GNAS: variants seen among roughly 807,000 people sequenced by gnomAD.
GNAS encodes the protein GNAS complex locus, also known as protein ALEX.
In GNAS, 8 loss-of-function variants were observed where a neutral mutation model predicts 54.5. The observed-to-expected ratio is 0.15, with a 90% CI of 0.09 to 0.26. GNAS has a LOEUF of 0.26. Among genes scored for constraint, GNAS ranks in the 10% least tolerant of loss-of-function variants. The probability of loss-of-function intolerance (pLI) is 1.00; values close to 1 mark genes in which losing one functional copy is unlikely to be tolerated. For synonymous variants in GNAS, 204 were observed against 191.4 expected (o/e 1.07, Z -0.54); for missense variants, 170 against 529.8 (o/e 0.32, Z 6.67).
At chr20:58,885,469 TAATA>T (rs1412134945) in intron 1 of GNAS, among the ~76,000 whole-genome samples, 1 of 152,262 alleles carries the variant, frequency 6.6e-6, no homozygotes, top group Non-Finnish European at 1.5e-5. Context: ...AGTTGATGGA[TAATA>T]AATAGGAAAA....
In GNAS at chr20:58,873,016, C is replaced by T. The variant is rs886853629; in HGVS notation, c.44-22596C>T. 1.3e-5 allele frequency among the ~76,000 whole-genome samples: 2 copies of T among 152,238 alleles called. No individual in the cohort carries two copies. Among genetic ancestry groups the T allele is most frequent in the African/African-American group, 2.4e-5 (1 of 41,462 alleles). The stretch of plus-strand genomic sequence containing the variant: ...GCTGACCTGCCTCTCAGTTCATTCT[C>T]AAGGCGTTAGCCTCATCCCATCAGG... On this transcript the variant is annotated intron_variant, in intron 1 of 12. Transcript: ENST00000306090. The surrounding 1 kb of genome is among the most constrained non-coding windows in gnomAD (Gnocchi z 4.3).
chr20:58,842,038 G>C lies in GNAS; in HGVS notation c.43+1152G>C, dbSNP rs546295853. ...GTCGTCGAAAAGGAGGCAGGGGCCGGCGGCTCCGGCAGCCTTGGGGAGGGG... is the reference window on the plus strand; with the variant it reads ...GTCGTCGAAAAGGAGGCAGGGGCCGCCGGCTCCGGCAGCCTTGGGGAGGGG... On this transcript the variant is annotated intron_variant, in intron 1 of 12. Coordinates refer to the GNAS transcript ENST00000306090. 21 of 605,136 alleles carry C rather than the reference G, an allele frequency of 3.5e-5. No individual in the cohort carries two copies. In the African/African-American group the frequency reaches 4.0e-4, roughly 11 times the overall value. 37.5% of individuals were successfully genotyped at this position (605,136 alleles called of 1,614,324 possible).
Position 58,847,701 on chromosome 20 carries a change from C to T in GNAS, c.43+6815C>T, listed in dbSNP as rs570212241. Reference sequence around the variant, plus strand: ...AAGCCGCAGACCAAAAGGAAAATGACTACCAAAAAAATACTGTTTTTCGTG... The same window carrying T: ...AAGCCGCAGACCAAAAGGAAAATGATTACCAAAAAAATACTGTTTTTCGTG... On this transcript the variant is annotated intron_variant, in intron 1 of 12. Coordinates refer to the GNAS transcript ENST00000306090. Among the ~76,000 whole-genome samples, 5 of 152,346 alleles carry T rather than the reference C, an allele frequency of 3.3e-5. No homozygotes were observed. In the East Asian group the frequency reaches 5.8e-4, roughly 18 times the overall value.
rs773395697 is a variant in GNAS at position 58,871,507 on chromosome 20, G to C, written c.44-24105G>C. Among the ~76,000 whole-genome samples the C allele has an allele frequency of 2.0e-5, 3 of 151,484 alleles. No individual in the cohort carries two copies. In the East Asian group the frequency reaches 5.8e-4, roughly 29 times the overall value. ...CGCATGCCTGTAATTCTAGCTACTC[G>C]GGAGGCTGAGACAGGAGAATCGCTT... On this transcript the variant is annotated intron_variant, in intron 1 of 12. Coordinates refer to the GNAS transcript ENST00000306090.
rs199737710 is a variant in GNAS, at chr20:58,883,188, G to GT, written c.44-12423dup. 2.7e-3 allele frequency among the ~76,000 whole-genome samples: 411 copies of GT among 152,326 alleles called. 3 individuals are homozygous for GT. Among genetic ancestry groups the GT allele is most frequent in the East Asian group, 0.024 (125 of 5,194 alleles). On this transcript the variant is annotated intron_variant, in intron 1 of 12. Coordinates refer to the GNAS transcript ENST00000306090. ...TGGCCATCTGCAATTAATCTGCATA[G>GT]TACAAATCATTGGAAGGCCGAGTCT...
At chr20:58,890,997 G>A (rs1443196694), upstream of GNAS, among the ~76,000 whole-genome samples, 2 of 151,288 alleles carry the variant, frequency 1.3e-5, no homozygotes, top group East Asian at 2.0e-4. Context: ...CCGCGGGAGG[G>A]GGAGGAGGCC....
At chr20:58,889,309 C>G, upstream of GNAS, 1 of 989,842 alleles carries the variant, frequency 1.0e-6, no homozygotes, top group Non-Finnish European at 1.2e-6. Flanking sequence ...CGGCGGCGGG[C>G]GGCCGGCAGG....
chr20:58,850,439 G>C (rs1047632511), intron 1 of GNAS: 3 of 397,556 alleles, frequency 7.5e-6, no homozygotes, highest in Admixed American at 4.4e-5. Flanking sequence ...ATGGTACTTT[G>C]GGGGTGAGCG....
At chr20:58,891,996 T>C (rs2089432145) in intron 1 of GNAS, 131 bp downstream of exon 1, 4 of 744,814 alleles carry the variant, frequency 5.4e-6, no homozygotes, top group Non-Finnish European at 6.5e-6. Context: ...GCGGGCTCTG[T>C]CTGTGGGGGG....
chr20:58,862,847 C>T (rs960878936), intron 1 of GNAS, among the ~76,000 whole-genome samples: 3 of 151,764 alleles, frequency 2.0e-5, no homozygotes, highest in Non-Finnish European at 4.4e-5. Flanking sequence ...TCACCTGTCA[C>T]CCCTGCCTAT....
Position 58,911,061 on chromosome 20 carries a change from C to T in GNAS, c.*232C>T, listed in dbSNP as rs15054. 2.3e-4 allele frequency: 155 copies of T among 664,358 alleles called. 1 individual carries two copies. Among genetic ancestry groups the T allele is most frequent in the South Asian group, 2.3e-3 (152 of 65,426 alleles). 41.2% of individuals were successfully genotyped at this position (664,358 alleles called of 1,614,324 possible). A position where few individuals can be genotyped will look rare whatever the true frequency, so the allele number is the denominator to read the frequency against. ...GGAAAAAAGGCCACAAAAGTTCCCT[C>T]TCACTTTCAGTAAAAATAAATAAAA... On this transcript the variant is annotated 3_prime_UTR_variant, in exon 13 of 13. Transcript: ENST00000371085.
At chr20:58,883,331 C>G (rs1254456453) in intron 1 of GNAS, among the ~76,000 whole-genome samples, 1 of 152,036 alleles carries the variant, frequency 6.6e-6, no homozygotes, top group Admixed American at 6.6e-5. Context: ...CAAAAGGAGC[C>G]GTAATCTGAG....
chr20:58,872,961 A>C (rs1318197550), intron 1 of GNAS, among the ~76,000 whole-genome samples: 1 of 152,236 alleles, frequency 6.6e-6, no homozygotes, highest in Non-Finnish European at 1.5e-5. Context: ...CTTGTAAAGC[A>C]CAACCACAAA....
At chr20:58,871,634 C>CAAAAA (rs2087466979) in intron 1 of GNAS, among the ~76,000 whole-genome samples, 4 of 34,794 alleles carry the variant, frequency 1.1e-4, no homozygotes, top group Admixed American at 3.1e-4. Flanking sequence ...AAAAAACAAA[C>CAAAAA]AACAAAAAAA....
At chr20:58,872,921 T>G (rs2145724375) in intron 1 of GNAS, among the ~76,000 whole-genome samples, 1 of 152,352 alleles carries the variant, frequency 6.6e-6, no homozygotes, top group East Asian at 1.9e-4. Flanking sequence ...TTTGTTGTGG[T>G]TGGACCCCAT....
At chr20:58,854,769 G>T (rs890324902) in intron 1 of GNAS, 2 of 1,556,384 alleles carry the variant, frequency 1.3e-6, no homozygotes, top group East Asian at 2.4e-5. Flanking sequence ...TGCCCCAGCC[G>T]CTTCTGCCAC....
At chr20:58,900,923 G>A (rs1285766048) in intron 3 of GNAS, among the ~76,000 whole-genome samples, 1 of 152,088 alleles carries the variant, frequency 6.6e-6, no homozygotes, top group Non-Finnish European at 1.5e-5. Context: ...ATTCACATAC[G>A]TAGATGAATA....
intron 2 of GNAS, among the ~76,000 whole-genome samples, chr20:58,896,381 G>A (rs906831944): frequency 2.0e-5 from 3 of 152,158 alleles, no homozygotes; most frequent in Admixed American, 2.0e-4. Context: ...CAGCCTCACT[G>A]AGGGGCATTT....
intron 1 of GNAS, among the ~76,000 whole-genome samples, chr20:58,877,578 C>T (rs1026110493): frequency 1.3e-5 from 2 of 152,194 alleles, no homozygotes; most frequent in Admixed American, 6.5e-5. Flanking sequence ...GAAATGGACA[C>T]TTAAGGGCTT....
Sources: allele counts gnomAD v4.1 joint callset (sites outside exome capture counted in the v4.1 genomes callset), GRCh38; gene constraint gnomAD v4.1.1; non-coding constraint Gnocchi (gnomAD v3.1); transcripts MANE v1.5; gene names NCBI Gene and HGNC (gene_info 2026-07-23, HGNC 2026-07-21).